The following SENP7 variants were observed in gnomAD, a reference collection of about 807,000 sequenced individuals.
SENP7 encodes sentrin-specific protease 7.
SENP7 carries 64 observed loss-of-function variants against 141.2 expected under a neutral mutation model. The observed-to-expected ratio is 0.45, with a 90% CI of 0.37 to 0.56. The LOEUF is 0.56. SENP7 is among the 20% of genes least tolerant of loss of function. SENP7 has a pLI of 0.00. For missense variants in SENP7, 1,025 were observed against 1,212.2 expected (o/e 0.85, Z 2.29); for synonymous variants, 382 against 426.4 (o/e 0.90, Z 1.28).
At chr3:101,457,633 C>T in intron 4 of SENP7, 1 of 1,549,882 alleles carries the variant, frequency 6.5e-7, no homozygotes, top group Non-Finnish European at 8.9e-7. Flanking sequence ...GTTCTATGAA[C>T]CACCTTCTTC....
At chr3:101,368,705 C>A (rs2060103965) in intron 7 of SENP7, among the ~76,000 whole-genome samples, 1 of 151,964 alleles carries the variant, frequency 6.6e-6, no homozygotes, top group African/African-American at 2.4e-5. Context: ...ACGTTGTGCA[C>A]ACGTACCCTA....
chr3:101,448,189 T>C (rs1271682296), intron 4 of SENP7, among the ~76,000 whole-genome samples: 1 of 152,206 alleles, frequency 6.6e-6, no homozygotes, highest in East Asian at 1.9e-4. Flanking sequence ...GATTAGGCAG[T>C]GGTTTCTTAG....
At chr3:101,400,266 ATACTT>A (rs2061096524) in intron 5 of SENP7, among the ~76,000 whole-genome samples, 1 of 152,224 alleles carries the variant, frequency 6.6e-6, no homozygotes, top group Non-Finnish European at 1.5e-5. Context: ...GCCACTAGCA[ATACTT>A]TACTTATACT....
In SENP7 at chr3:101,340,180, C is replaced by A. The variant is rs776187451; in HGVS notation, c.2272G>T (p.Gly758Trp). 6.2e-7 allele frequency: 1 copy of A among 1,600,406 alleles called. No individual in the cohort carries two copies. The highest frequency in any genetic ancestry group is 8.5e-7 in the Non-Finnish European group (1 of 1,175,172). The change falls in exon 16 of 24, where the codon GGG (glycine) becomes TGG (tryptophan). Residue 758 changes from glycine (G) to tryptophan (W), a missense_variant. Physicochemically the swap from Gly to Trp is radical, Grantham distance 184 (BLOSUM62 -2). Coordinates refer to ENST00000394095, the MANE Select transcript of SENP7 (RefSeq NM_020654.5). The part of the protein sequence containing the change: ...LIVYPPPPTK[G>W]GLGVTNEDLE... Reference sequence around the variant, plus strand: ...TCTTCATTAGTTACTCCTAATCCCCCCTTAGTAGGTGGTGGAGGATATACA... The same window carrying A: ...TCTTCATTAGTTACTCCTAATCCCCACTTAGTAGGTGGTGGAGGATATACA...
intron 1 of SENP7, among the ~76,000 whole-genome samples, chr3:101,507,851 C>T (rs908616952): frequency 6.6e-6 from 1 of 151,846 alleles, no homozygotes; most frequent in African/African-American, 2.4e-5. Flanking sequence ...GAGATAGAGA[C>T]CATCCTAGCC....
rs941878983 is a variant in SENP7 at position 101,372,869 on chromosome 3, T to C, written c.678-743A>G. Among the ~76,000 whole-genome samples, 8 of 152,046 alleles carry C rather than the reference T, an allele frequency of 5.3e-5. No individual in the cohort carries two copies. The South Asian group carries it at 6.2e-4, about 12-fold the overall frequency. On this transcript the variant is annotated intron_variant, in intron 6 of 23. Transcript: ENST00000394095. ...AAAAACAAATTTAAATCTGAAAAAA[T>C]AGGAATTATATTGGTTAAATCTGAG...
At chr3:101,421,360 A>G (rs1350710926) in intron 4 of SENP7, among the ~76,000 whole-genome samples, 1 of 152,170 alleles carries the variant, frequency 6.6e-6, no homozygotes, top group Admixed American at 6.5e-5. Context: ...TACAATTTAA[A>G]ATTCTAAATG....
In SENP7 at chr3:101,332,869, G is replaced by A; in HGVS notation, c.2481-7C>T. ...ATGTCTTCTCTGTGCCATTCTGAGAGTATGAAAGACAGATTTGATATATAA... is the reference window on the plus strand; with the variant it reads ...ATGTCTTCTCTGTGCCATTCTGAGAATATGAAAGACAGATTTGATATATAA... On this transcript the variant is annotated splice_region_variant and splice_polypyrimidine_tract_variant and intron_variant, in intron 17 of 23. Coordinates refer to ENST00000394095, the MANE Select transcript of SENP7 (RefSeq NM_020654.5). 6.4e-7 allele frequency: 1 copy of A among 1,573,072 alleles called. No homozygotes were observed. The highest frequency in any genetic ancestry group is 8.6e-7 in the Non-Finnish European group (1 of 1,165,832).
intron 9 of SENP7, 98 bp from the exon 10 acceptor site, chr3:101,365,089 A>C (rs1268108880): frequency 1.4e-5 from 10 of 706,530 alleles, no homozygotes; most frequent in Non-Finnish European, 2.0e-5. Flanking sequence ...TGCAACCTCC[A>C]CCTCCCGGGC....
At chr3:101,474,742 T>C (rs1452628755) in intron 3 of SENP7, among the ~76,000 whole-genome samples, 4 of 152,162 alleles carry the variant, frequency 2.6e-5, no homozygotes, top group Admixed American at 2.6e-4. Context: ...ACAGTGGGCA[T>C]CCTGGTCTTC....
chr3:101,457,770 T>TG (rs754316580), intron 4 of SENP7: 11 of 697,578 alleles, frequency 1.6e-5, no homozygotes, highest in Non-Finnish European at 2.5e-5. Context: ...GAACTAGGGT[T>TG]GGTGCTAAGA....
At chr3:101,433,747 C>T (rs2062274177) in intron 4 of SENP7, among the ~76,000 whole-genome samples, 1 of 151,964 alleles carries the variant, frequency 6.6e-6, no homozygotes, top group Non-Finnish European at 1.5e-5. Flanking sequence ...GTCACCCAAC[C>T]CTGGAGCACC....
intron 13 of SENP7, among the ~76,000 whole-genome samples, chr3:101,345,995 GA>G (rs1230512244): frequency 6.6e-6 from 1 of 151,886 alleles, no homozygotes; most frequent in Non-Finnish European, 1.5e-5. Flanking sequence ...CACAGAGTGG[GA>G]AAAAAATGTT....
At chr3:101,454,168 T>C (rs1382702415) in intron 4 of SENP7, among the ~76,000 whole-genome samples, 1 of 152,208 alleles carries the variant, frequency 6.6e-6, no homozygotes, top group African/African-American at 2.4e-5. Flanking sequence ...TATTAATGCA[T>C]GACACAGCAA....
At chr3:101,494,971 T>C (rs771299300) in intron 2 of SENP7, among the ~76,000 whole-genome samples, 4 of 152,160 alleles carry the variant, frequency 2.6e-5, no homozygotes, top group Non-Finnish European at 5.9e-5. Flanking sequence ...AAGGAACTTC[T>C]GCACAGCAAA....
chr3:101,411,788 A>G (rs183615687), intron 5 of SENP7, among the ~76,000 whole-genome samples: 19 of 152,352 alleles, frequency 1.2e-4, no homozygotes, highest in Admixed American at 8.5e-4. Flanking sequence ...GTATGTAAAC[A>G]GTATCAGTAC....
At chr3:101,338,946 T>A (rs1297630617) in intron 16 of SENP7, among the ~76,000 whole-genome samples, 2 of 151,942 alleles carry the variant, frequency 1.3e-5, no homozygotes, top group Non-Finnish European at 2.9e-5. Context: ...TACAAAAATA[T>A]CCAGCACCCA....
chr3:101,419,469 T>G (rs985210571), intron 4 of SENP7, among the ~76,000 whole-genome samples: 1 of 152,156 alleles, frequency 6.6e-6, no homozygotes, highest in African/African-American at 2.4e-5. Context: ...TTTACGGAGA[T>G]GATGACTTTA....
At chr3:101,382,677 C>T (rs931744054) in intron 6 of SENP7, among the ~76,000 whole-genome samples, 2 of 152,134 alleles carry the variant, frequency 1.3e-5, no homozygotes, top group South Asian at 4.1e-4. Context: ...AGAATCAGAA[C>T]TTCAATTAGG....
Sources: gnomAD v4.1 joint callset for allele counts (sites outside exome capture counted in the v4.1 genomes callset) on GRCh38, gnomAD v4.1.1 for gene constraint, MANE v1.5 for transcripts, NCBI Gene and HGNC (gene_info 2026-07-23, HGNC 2026-07-21) for gene names.